VPS13D: variants seen among roughly 807,000 people sequenced by gnomAD.
VPS13D encodes the protein vacuolar protein sorting 13 homolog D.
A neutral mutation model predicts 461.9 loss-of-function variants in VPS13D; 187 were observed. The observed-to-expected ratio is 0.40, with a 90% CI of 0.36 to 0.46. The LOEUF (loss-of-function observed/expected upper bound fraction) is 0.46. VPS13D is among the 20% of genes least tolerant of loss of function. The pLI is 0.60. For synonymous variants in VPS13D, 1,951 were observed against 1,986.3 expected (o/e 0.98, Z 0.47); for missense variants, 4,711 against 5,364.9 (o/e 0.88, Z 3.81).
At chr1:12,400,363 C>G (rs371598135) in intron 61 of VPS13D, 33 bp downstream of exon 61, 2 of 1,609,660 alleles carry the variant, frequency 1.2e-6, no homozygotes, top group Middle Eastern at 3.3e-4. Context: ...TGGGTTGATG[C>G]CATGCTGGAA....
chr1:12,435,371 G>A (rs1371544927), intron 65 of VPS13D, among the ~76,000 whole-genome samples: 1 of 152,138 alleles, frequency 6.6e-6, no homozygotes, highest in African/African-American at 2.4e-5. Flanking sequence ...TGAGGTGGGA[G>A]GATCATCCGA....
chr1:12,453,499 G>A (rs1645288985), intron 65 of VPS13D, among the ~76,000 whole-genome samples: 1 of 152,184 alleles, frequency 6.6e-6, no homozygotes, highest in Non-Finnish European at 1.5e-5. Flanking sequence ...CAGGACATGG[G>A]CACGCGTCAC....
At chr1:12,317,078 C>T (rs146424897) in intron 30 of VPS13D, among the ~76,000 whole-genome samples, 2 of 146,596 alleles carry the variant, frequency 1.4e-5, no homozygotes, top group Non-Finnish European at 3.0e-5. Flanking sequence ...TTGTTCTCCT[C>T]GGGCCAAAAG....
At chr1:12,453,767 C>G (rs1386359566) in intron 65 of VPS13D, 1 of 152,124 alleles carries the variant, frequency 6.6e-6, no homozygotes, top group African/African-American at 2.4e-5. Flanking sequence ...TGTTTGTGTT[C>G]TTCAGCAGTA....
At chr1:12,407,761 T>C (rs974793654) in intron 63 of VPS13D, among the ~76,000 whole-genome samples, 13 of 152,044 alleles carry the variant, frequency 8.6e-5, no homozygotes, top group African/African-American at 3.1e-4. Context: ...ACCTTAGTCA[T>C]TCGGAAAGGT....
chr1:12,295,762 T>A (rs1557692641), intron 24 of VPS13D, among the ~76,000 whole-genome samples: 1 of 152,208 alleles, frequency 6.6e-6, no homozygotes, highest in Non-Finnish European at 1.5e-5. Flanking sequence ...CACCTCTAAC[T>A]AAAAATTAAA....
chr1:12,275,882 A>C lies in VPS13D; in HGVS notation c.2294A>C (p.Asp765Ala). 5 of 1,613,578 alleles carry C rather than the reference A, an allele frequency of 3.1e-6. No homozygotes were observed. The highest frequency in any genetic ancestry group is 4.2e-6 in the Non-Finnish European group (5 of 1,179,860). The part of the protein sequence containing the change: ...GSASEETQFS[D>A]DEYKTPLATP... ...GCATCTGAAGAGACCCAGTTTAGTGATGATGAATATAAGACCCCCCTGGCC... is the reference window on the plus strand; with the variant it reads ...GCATCTGAAGAGACCCAGTTTAGTGCTGATGAATATAAGACCCCCCTGGCC... The change falls in exon 19 of 70, where the codon GAT becomes GCT. Residue 765 changes from aspartate to alanine, a missense_variant. Physicochemically the swap from Asp to Ala is moderately radical, Grantham distance 126. Around this residue, in one of 3 missense-constraint regions of VPS13D, gnomAD observed 4,411 missense variants for 4,937.8 expected, o/e 0.89. Coordinates refer to ENST00000620676, the MANE Select transcript of VPS13D (RefSeq NM_015378.4).
chr1:12,432,531 TG>T (rs1645005497), intron 65 of VPS13D, among the ~76,000 whole-genome samples: 1 of 152,092 alleles, frequency 6.6e-6, no homozygotes, highest in Non-Finnish European at 1.5e-5. Flanking sequence ...CCAGCAACCC[TG>T]GAAGAACTTG....
At position 12,304,630 on chromosome 1, in the gene VPS13D, G is replaced by A. The variant is rs941102733; in HGVS notation, c.6341G>A (p.Ser2114Asn). 5.0e-6 allele frequency: 8 copies of A among 1,613,956 alleles called. No individual in the cohort carries two copies. Among genetic ancestry groups the A allele is most frequent in the Non-Finnish European group, 6.8e-6 (8 of 1,180,020 alleles). Reference sequence around the variant, plus strand: ...TTCACGATGCCTCTTGCTGGAATGAGCCTAGGAAGCCTGAAGAGTGAGTTT... The same window carrying A: ...TTCACGATGCCTCTTGCTGGAATGAACCTAGGAAGCCTGAAGAGTGAGTTT... The part of the protein sequence containing the change: ...GQFTMPLAGM[S>N]LGSLKSEFVP... Residue 2114 changes from serine (S) to asparagine (N), a missense_variant, in exon 26 of 70, where the codon AGC (serine) becomes AAC (asparagine). By Grantham distance (46) the Ser-to-Asn change is conservative (BLOSUM62 1). Transcript: ENST00000620676.
chr1:12,477,731 C>A (rs1466126602), intron 67 of VPS13D, among the ~76,000 whole-genome samples: 1 of 152,160 alleles, frequency 6.6e-6, no homozygotes, highest in Admixed American at 6.5e-5. Flanking sequence ...CCTGTGCACA[C>A]ACACATGCAT....
At chr1:12,490,507 G>T (rs1009553683) in intron 67 of VPS13D, among the ~76,000 whole-genome samples, 3 of 152,254 alleles carry the variant, frequency 2.0e-5, no homozygotes, top group Non-Finnish European at 4.4e-5. Flanking sequence ...GAGAAGAAAT[G>T]CTTTTCCACT....
chr1:12,449,956 C>A (rs1645240463), intron 65 of VPS13D, among the ~76,000 whole-genome samples: 1 of 152,120 alleles, frequency 6.6e-6, no homozygotes, highest in African/African-American at 2.4e-5. Context: ...GAGACCCTGT[C>A]TCTACTAAAA....
rs576798104 is a variant in VPS13D at position 12,279,795 on chromosome 1, G to A, written c.4602+145G>A. On this transcript the variant is annotated intron_variant, in intron 20 of 69. Coordinates refer to ENST00000620676, the MANE Select transcript of VPS13D (RefSeq NM_015378.4). The surrounding 1 kb of genome is among the most constrained non-coding windows in gnomAD (Gnocchi z 4.3). ...TGCATAATACCATTGTTGAAACCTT[G>A]TTCCAATAATTGTGGAATCCTTTTG... is the stretch of plus-strand genomic sequence containing the variant. The A allele has an allele frequency of 6.5e-6, 5 of 769,536 alleles. No individual in the cohort carries two copies. In the South Asian group the frequency reaches 2.2e-4, roughly 34 times the overall value. 47.7% of individuals were successfully genotyped at this position (769,536 alleles called of 1,614,324 possible). A position where few individuals can be genotyped will look rare whatever the true frequency, so the allele number is the denominator to read the frequency against.
rs1033109460 is a variant in VPS13D at position 12,505,513 on chromosome 1, T to A, written c.12795-1340T>A. Among the ~76,000 whole-genome samples the A allele has an allele frequency of 3.3e-5, 5 of 152,202 alleles. No individual in the cohort carries two copies. Among genetic ancestry groups the A allele is most frequent in the Non-Finnish European group, 7.3e-5 (5 of 68,036 alleles). ...GGGCGTCTGTAATTAAAATGGCAAC[T>A]GGAACAAGGCAGTCACTTACTGAGC... On this transcript the variant is annotated intron_variant, in intron 68 of 69. Coordinates refer to ENST00000620676, the MANE Select transcript of VPS13D (RefSeq NM_015378.4). The surrounding 1 kb of genome is among the most constrained non-coding windows in gnomAD (Gnocchi z 4.2).
chr1:12,465,446 T>G (rs1197890060), intron 67 of VPS13D, among the ~76,000 whole-genome samples: 1 of 152,160 alleles, frequency 6.6e-6, no homozygotes, highest in Non-Finnish European at 1.5e-5. Context: ...GGAAGGGGAA[T>G]TTGAAGGATA....
chr1:12,425,375 A>G (rs1218935451), intron 65 of VPS13D, among the ~76,000 whole-genome samples: 2 of 152,100 alleles, frequency 1.3e-5, no homozygotes, highest in South Asian at 2.1e-4. Context: ...ATGACCCAAC[A>G]TGGTGAAACC....
rs1210636806 is a variant in VPS13D, at chr1:12,383,084, C to A, written c.11299C>A (p.Gln3767Lys). 8.7e-6 allele frequency: 14 copies of A among 1,614,006 alleles called. No individual in the cohort carries two copies. The highest frequency in any genetic ancestry group is 1.3e-5 in the African/African-American group (1 of 75,010). Residue 3767 changes from glutamine (Q) to lysine (K), a missense_variant, in exon 58 of 70, where the codon CAA (glutamine) becomes AAA (lysine). Gln to Lys is a moderately conservative substitution (Grantham distance 53). This residue lies in a region of VPS13D where 4,411 missense variants were observed against 4,937.8 expected (regional missense o/e 0.89). Transcript: ENST00000620676. ...TCCACCTGAACAACAATTTATTAATCAAAAAATGAGACCTGGTTCTGGAAT... is the reference window on the plus strand; with the variant it reads ...TCCACCTGAACAACAATTTATTAATAAAAAAATGAGACCTGGTTCTGGAAT... ...PVPPEQQFINQKMRPGSGMLS... is the reference protein window; with the variant it reads ...PVPPEQQFINKKMRPGSGMLS...
chr1:12,233,100 G>A (rs1640035759), intron 1 of VPS13D, among the ~76,000 whole-genome samples: 1 of 151,820 alleles, frequency 6.6e-6, no homozygotes, highest in African/African-American at 2.4e-5. Context: ...CTGCCTCCCG[G>A]GTTCAAGGGA....
intron 10 of VPS13D, among the ~76,000 whole-genome samples, chr1:12,260,015 C>CAT (rs1641054998): frequency 1.4e-5 from 1 of 72,772 alleles, no homozygotes; most frequent in Admixed American, 2.1e-4. Context: ...GCTTTAGTGA[C>CAT]TTTTTTTTTT....
Sources: allele counts gnomAD v4.1 joint callset (sites outside exome capture counted in the v4.1 genomes callset), GRCh38; gene constraint gnomAD v4.1.1; regional missense constraint gnomAD v4.1.1; non-coding constraint Gnocchi (gnomAD v3.1); transcripts MANE v1.5; gene names NCBI Gene and HGNC (gene_info 2026-07-23, HGNC 2026-07-21).